AGBL1: variants seen among roughly 807,000 people sequenced by gnomAD.
AGBL1 encodes the protein cytosolic carboxypeptidase 4.
Under a neutral mutation model 118.9 loss-of-function variants are expected in AGBL1, and 130 were observed. That is an observed-to-expected ratio of 1.09 (90% confidence interval 0.95 to 1.26). The LOEUF is 1.26. AGBL1 is among the 50% of genes most tolerant of loss of function. AGBL1 has a pLI of 0.00. For synonymous variants in AGBL1, 555 were observed against 478.9 expected (o/e 1.16, Z -2.08); for missense variants, 1,584 against 1,298.1 (o/e 1.22, Z -3.38).
intron 24 of AGBL1, among the ~76,000 whole-genome samples, chr15:87,001,770 A>G (rs2081440314): frequency 6.6e-6 from 1 of 152,012 alleles, no homozygotes; most frequent in East Asian, 1.9e-4. Context: ...TGGTGGCATA[A>G]ATGTCGTCTT....
chr15:86,787,714 G>T (rs1253850216), intron 22 of AGBL1, among the ~76,000 whole-genome samples: 1 of 152,098 alleles, frequency 6.6e-6, no homozygotes, highest in African/African-American at 2.4e-5. Flanking sequence ...ATATATTTTT[G>T]AGGTTCTTAT....
chr15:86,801,873 C>T (rs2078654867), intron 22 of AGBL1, among the ~76,000 whole-genome samples: 1 of 152,012 alleles, frequency 6.6e-6, no homozygotes, highest in Non-Finnish European at 1.5e-5. Flanking sequence ...GCAGAGGAAC[C>T]TGGAGCTCTC....
intron 22 of AGBL1, among the ~76,000 whole-genome samples, chr15:86,871,385 C>G (rs1567217180): frequency 1.3e-5 from 2 of 152,144 alleles, no homozygotes. Flanking sequence ...CCTAAATGAA[C>G]TCCTTGACCT....
At chr15:86,845,707 T>A (rs1382481516) in intron 22 of AGBL1, among the ~76,000 whole-genome samples, 1 of 152,120 alleles carries the variant, frequency 6.6e-6, no homozygotes, top group Non-Finnish European at 1.5e-5. Context: ...GCGCCCAGGG[T>A]TTTCTTGATA....
intron 18 of AGBL1, among the ~76,000 whole-genome samples, chr15:86,478,689 A>T (rs1296189578): frequency 6.6e-6 from 1 of 152,338 alleles, no homozygotes; most frequent in Middle Eastern, 3.4e-3. Flanking sequence ...TGCCATCCCC[A>T]TCAAGCTACC....
At chr15:86,921,383 G>T (rs1171050638) in intron 23 of AGBL1, among the ~76,000 whole-genome samples, 1 of 152,076 alleles carries the variant, frequency 6.6e-6, no homozygotes. Flanking sequence ...CATTTGGTCG[G>T]GGTCCAAGTT....
chr15:86,365,082 T>C (rs903117373), intron 17 of AGBL1, among the ~76,000 whole-genome samples: 16 of 150,046 alleles, frequency 1.1e-4, no homozygotes, highest in Admixed American at 3.3e-4. Context: ...CACACACACA[T>C]ATATATAATT....
At chr15:86,330,429 G>A (rs2080251946) in intron 17 of AGBL1, among the ~76,000 whole-genome samples, 1 of 152,138 alleles carries the variant, frequency 6.6e-6, no homozygotes, top group Admixed American at 6.5e-5. Flanking sequence ...CATTCCGTAG[G>A]GAAGAGGGGA....
intron 24 of AGBL1, among the ~76,000 whole-genome samples, chr15:86,996,621 T>C (rs1425890661): frequency 6.6e-6 from 1 of 152,132 alleles, no homozygotes; most frequent in African/African-American, 2.4e-5. Context: ...ACCTAGCATA[T>C]ACCTAAGAGT....
chr15:86,596,090 G>C (rs1364126559), intron 21 of AGBL1, among the ~76,000 whole-genome samples: 2 of 151,998 alleles, frequency 1.3e-5, no homozygotes, highest in Non-Finnish European at 2.9e-5. Flanking sequence ...CTTGAGCCTA[G>C]GAGTTTGAGA....
intron 24 of AGBL1, among the ~76,000 whole-genome samples, chr15:87,004,095 G>A (rs551868251): frequency 7.5e-4 from 114 of 152,140 alleles, no homozygotes; most frequent in African/African-American, 2.5e-3. Flanking sequence ...TTTCTCTTGT[G>A]GGCATTTAGT....
intron 23 of AGBL1, among the ~76,000 whole-genome samples, chr15:86,927,118 G>A (rs1276897045): frequency 1.3e-5 from 2 of 151,658 alleles, no homozygotes; most frequent in South Asian, 2.1e-4. Flanking sequence ...CACCCCAGGC[G>A]ACAGTGTGAG....
At chr15:86,248,792 C>T (rs28520160) in intron 7 of AGBL1, among the ~76,000 whole-genome samples, 6,785 of 152,222 alleles carry the variant, frequency 0.045, 298 homozygotes, top group African/African-American at 0.11. Context: ...AATTTCATAT[C>T]GCACTGTGAA....
intron 5 of AGBL1, among the ~76,000 whole-genome samples, chr15:86,193,275 A>G (rs2077751170): frequency 6.6e-6 from 1 of 152,182 alleles, no homozygotes; most frequent in Non-Finnish European, 1.5e-5. Flanking sequence ...AAAGGACCAG[A>G]TGAAATGCTA....
chr15:86,673,916 A>G (rs1197092793), intron 21 of AGBL1, among the ~76,000 whole-genome samples: 1 of 152,122 alleles, frequency 6.6e-6, no homozygotes, highest in East Asian at 1.9e-4. Context: ...CTGTTTCAGA[A>G]GTGAAAAAAA....
chr15:86,919,650 A>T (rs974995932), downstream of AGBL1, among the ~76,000 whole-genome samples: 4 of 152,094 alleles, frequency 2.6e-5, no homozygotes, highest in Non-Finnish European at 1.5e-5. Context: ...ATGAATGAAG[A>T]AAAAACCAGA....
chr15:86,791,128 C>T (rs776478830), intron 22 of AGBL1, among the ~76,000 whole-genome samples: 1 of 152,136 alleles, frequency 6.6e-6, no homozygotes. Context: ...AACACACGAA[C>T]GTAAAATGAT....
chr15:86,230,612 A>G (rs1022022325), intron 6 of AGBL1, among the ~76,000 whole-genome samples: 3 of 152,170 alleles, frequency 2.0e-5, no homozygotes, highest in African/African-American at 4.8e-5. Context: ...TTCTTCCTTT[A>G]GTTTCCAGAT....
At chr15:86,634,613 T>A (rs1000457998) in intron 21 of AGBL1, among the ~76,000 whole-genome samples, 1 of 152,096 alleles carries the variant, frequency 6.6e-6, no homozygotes, top group African/African-American at 2.4e-5. Flanking sequence ...GTGATGAAAA[T>A]TTTCTAAAAT....
Sources: gnomAD v4.1 joint callset for allele counts (sites outside exome capture counted in the v4.1 genomes callset) on GRCh38, gnomAD v4.1.1 for gene constraint, MANE v1.5 for transcripts, NCBI Gene and HGNC (gene_info 2026-07-23, HGNC 2026-07-21) for gene names.